The following ATRN variants were observed in gnomAD, a reference collection of about 807,000 sequenced individuals.
ATRN encodes the protein attractin, also known as attractin-2.
ATRN carries 54 observed loss-of-function variants against 178.7 expected under a neutral mutation model. The observed-to-expected ratio is 0.30, with a 90% CI of 0.24 to 0.38. The LOEUF (loss-of-function observed/expected upper bound fraction) is 0.38, where lower values mean the gene tolerates loss of function less well. Among genes scored for constraint, ATRN ranks in the 10% least tolerant of loss-of-function variants. The pLI is 1.00. For synonymous variants in ATRN, 636 were observed against 663.0 expected (o/e 0.96, Z 0.63); for missense variants, 1,443 against 1,815.1 (o/e 0.79, Z 3.73).
rs548502511 is a variant in ATRN, at chr20:3,471,643, G to T, written c.410+126G>T. The T allele has an allele frequency of 3.3e-6, 4 of 1,221,758 alleles. No individual in the cohort carries two copies. In the South Asian group the frequency reaches 7.0e-5, roughly 21 times the overall value. 75.7% of individuals were successfully genotyped at this position (1,221,758 alleles called of 1,614,324 possible). A position where few individuals can be genotyped will look rare whatever the true frequency, so the allele number is the denominator to read the frequency against. ...TGGAGAGGGTAGGGCCGCCCTATGG[G>T]GTTTGAGGGCCATTTGCTTCCGGGG... is the stretch of plus-strand genomic sequence containing the variant. On this transcript the variant is annotated intron_variant, in intron 1 of 28. Transcript: ENST00000262919.
intron 1 of ATRN, among the ~76,000 whole-genome samples, chr20:3,478,378 C>T (rs915104761): frequency 6.6e-6 from 1 of 152,044 alleles, no homozygotes; most frequent in African/African-American, 2.4e-5. Context: ...TACTGTGCAG[C>T]CATAAAAAAT....
At chr20:3,519,752 A>T (rs895213841) in intron 1 of ATRN, among the ~76,000 whole-genome samples, 2 of 152,204 alleles carry the variant, frequency 1.3e-5, no homozygotes, top group African/African-American at 4.8e-5. Context: ...AGAAAAGAAA[A>T]GAAAAAGGAA....
chr20:3,503,862 A>C (rs1331319687), intron 1 of ATRN, among the ~76,000 whole-genome samples: 2 of 152,220 alleles, frequency 1.3e-5, no homozygotes, highest in Non-Finnish European at 2.9e-5. Flanking sequence ...CCAAGAAGCT[A>C]TGCGAACTTG....
chr20:3,606,250 G>C (rs1264851298), intron 24 of ATRN, among the ~76,000 whole-genome samples: 2 of 152,154 alleles, frequency 1.3e-5, no homozygotes, highest in African/African-American at 4.8e-5. Flanking sequence ...TCCTGTCATA[G>C]TGGGCCCCAG....
chr20:3,516,669 C>G (rs953202868), intron 1 of ATRN, among the ~76,000 whole-genome samples: 3 of 152,106 alleles, frequency 2.0e-5, no homozygotes, highest in African/African-American at 7.2e-5. Flanking sequence ...TTGACTCCCT[C>G]AGCTACCTAC....
At chr20:3,536,469 A>T (rs147295926) in intron 2 of ATRN, among the ~76,000 whole-genome samples, 4,510 of 152,008 alleles carry the variant, frequency 0.03, 98 homozygotes, top group Non-Finnish European at 0.049. Context: ...CCTTGGCCAC[A>T]CAAAGTGCTG....
At chr20:3,642,154 G>A (rs906029166) in intron 27 of ATRN, among the ~76,000 whole-genome samples, 8 of 152,266 alleles carry the variant, frequency 5.3e-5, no homozygotes, top group Middle Eastern at 3.4e-3. Context: ...AGTGGTGTGC[G>A]TCAGGCCCTG....
intron 27 of ATRN, among the ~76,000 whole-genome samples, chr20:3,640,570 T>C (rs1214259283): frequency 6.6e-6 from 1 of 152,154 alleles, no homozygotes. Context: ...CATAATGAAA[T>C]TGTATAACTC....
chr20:3,612,489 G>A (rs946089601), intron 24 of ATRN, among the ~76,000 whole-genome samples: 10 of 152,198 alleles, frequency 6.6e-5, no homozygotes, highest in East Asian at 3.9e-4. Flanking sequence ...ATCAAGAGGT[G>A]GAAATCTTGG....
chr20:3,631,961 C>T (rs1465472017), intron 25 of ATRN, among the ~76,000 whole-genome samples: 1 of 152,092 alleles, frequency 6.6e-6, no homozygotes, highest in African/African-American at 2.4e-5. Flanking sequence ...TAGGGTGGCC[C>T]CAGGACATTC....
intron 1 of ATRN, among the ~76,000 whole-genome samples, chr20:3,489,216 C>T (rs1002662341): frequency 1.3e-5 from 2 of 152,202 alleles, no homozygotes; most frequent in Non-Finnish European, 2.9e-5. Context: ...TTGCCTCGGC[C>T]TCCCAATGTG....
intron 12 of ATRN, among the ~76,000 whole-genome samples, 167 bp downstream of exon 12, chr20:3,573,118 C>A (rs2031699037): frequency 6.6e-6 from 1 of 152,114 alleles, no homozygotes; most frequent in African/African-American, 2.4e-5. Flanking sequence ...GGTTTGTAAA[C>A]ATCTCGGATG....
chr20:3,480,947 A>G (rs1245253032), intron 1 of ATRN, among the ~76,000 whole-genome samples: 6 of 152,198 alleles, frequency 3.9e-5, no homozygotes, highest in Non-Finnish European at 7.3e-5. Context: ...ATGAAACTAT[A>G]GTTGTACTTT....
At chr20:3,524,745 GA>G (rs1395330204) in intron 1 of ATRN, among the ~76,000 whole-genome samples, 2 of 152,160 alleles carry the variant, frequency 1.3e-5, no homozygotes, top group African/African-American at 4.8e-5. Context: ...TAGAACTCAG[GA>G]TTAAGAAACT....
At chr20:3,520,481 A>G (rs1402505280) in intron 1 of ATRN, among the ~76,000 whole-genome samples, 1 of 152,190 alleles carries the variant, frequency 6.6e-6, no homozygotes, top group South Asian at 2.1e-4. Context: ...GGGAAATGAA[A>G]TGAATGACAA....
At chr20:3,538,823 A>C (rs987546522) in intron 2 of ATRN, among the ~76,000 whole-genome samples, 9 of 151,716 alleles carry the variant, frequency 5.9e-5, no homozygotes, top group Admixed American at 2.0e-4. Context: ...CCCACCTCCC[A>C]CTTCTCATCT....
chr20:3,583,988 G>T lies in ATRN; in HGVS notation c.2855G>T (p.Cys952Phe). 6.2e-7 allele frequency: 1 copy of T among 1,614,156 alleles called. No individual in the cohort carries two copies. Among genetic ancestry groups the T allele is most frequent in the Non-Finnish European group, 8.5e-7 (1 of 1,180,010 alleles). ...AGCGGCAGCTCTGAGTGCATGTGGT[G>T]CAGCAACATGAAGCAGTGTGTGGAC... The part of the protein sequence containing the change: ...CTSGSSECMW[C>F]SNMKQCVDSN... Residue 952 changes from cysteine (C) to phenylalanine (F), a missense_variant, in exon 17 of 29, where the codon TGC (cysteine) becomes TTC (phenylalanine). Coordinates refer to ENST00000262919, the MANE Select transcript of ATRN (RefSeq NM_139321.3).
chr20:3,622,046 AT>A (rs2086901034), intron 24 of ATRN, among the ~76,000 whole-genome samples: 1 of 152,198 alleles, frequency 6.6e-6, no homozygotes, highest in South Asian at 2.1e-4. Flanking sequence ...CACAGATCTT[AT>A]TTTCCATAAG....
At position 3,625,092 on chromosome 20, in the gene ATRN, G is replaced by A. The variant is rs184209148; in HGVS notation, c.3863+520G>A. On this transcript the variant is annotated intron_variant, in intron 25 of 28. Transcript: ENST00000262919. Reference sequence around the variant, plus strand: ...CAAATAATTGAAAAAGACAAAAAACGTGCTGCAGTTTTTAAAACAGAAAGC... The same window carrying A: ...CAAATAATTGAAAAAGACAAAAAACATGCTGCAGTTTTTAAAACAGAAAGC... Among the ~76,000 whole-genome samples the A allele has an allele frequency of 4.8e-3, 728 of 152,168 alleles. 3 individuals carry two copies. The highest frequency in any genetic ancestry group is 0.013 in the African/African-American group (542 of 41,512).
Sources: gnomAD v4.1 joint callset for allele counts (sites outside exome capture counted in the v4.1 genomes callset) on GRCh38, gnomAD v4.1.1 for gene constraint, MANE v1.5 for transcripts, NCBI Gene and HGNC (gene_info 2026-07-23, HGNC 2026-07-21) for gene names.